The following COA1 variants were observed in gnomAD, a reference collection of about 807,000 sequenced individuals.
COA1 encodes the protein cytochrome c oxidase assembly factor 1 homolog.
COA1 carries 13 observed loss-of-function variants against 16.0 expected under a neutral mutation model. The observed-to-expected ratio is 0.81, with a 90% confidence interval of 0.53 to 1.29. The LOEUF (loss-of-function observed/expected upper bound fraction) is 1.29. Ranked by LOEUF, COA1 falls within the 50% of genes most tolerant of loss-of-function variation. COA1 has a pLI of 0.00. For missense variants in COA1, 179 were observed against 177.0 expected (o/e 1.01, Z -0.06); for synonymous variants, 65 against 65.7 (o/e 0.99, Z 0.05).
At chr7:43,636,423 G>A (rs1316861176), downstream of COA1, among the ~76,000 whole-genome samples, 1 of 152,188 alleles carries the variant, frequency 6.6e-6, no homozygotes, top group Non-Finnish European at 1.5e-5. Flanking sequence ...TGTCTCACCT[G>A]TAAGGCAAGT....
intron 4 of COA1, 151 bp downstream of exon 4, chr7:43,645,100 A>G: frequency 2.5e-6 from 1 of 399,416 alleles, no homozygotes. Flanking sequence ...AAAATCCATA[A>G]TAGAAAAACT....
intron 5 of COA1, 71 bp from the exon 6 acceptor site, chr7:43,639,752 G>T: frequency 8.3e-7 from 1 of 1,208,956 alleles, no homozygotes; most frequent in Non-Finnish European, 1.2e-6. Flanking sequence ...CAAAAAAAGG[G>T]GCGCGGAAAG....
In COA1 at chr7:43,666,059, T is replaced by C. The variant is rs187165658; in HGVS notation, c.-38-17407A>G. 7.3e-4 allele frequency among the ~76,000 whole-genome samples: 111 copies of C among 152,300 alleles called. No individual in the cohort carries two copies. In the Middle Eastern group the frequency reaches 0.01, roughly 14 times the overall value. ...TTCAAATGCTAATCTCTTCTGAAAA[T>C]ACCCTCACAGATACCTCCAGAAATT... On this transcript the variant is annotated intron_variant, in intron 1 of 5. Transcript: ENST00000223336.
intron 2 of COA1, 92 bp from the exon 3 acceptor site, chr7:43,647,726 T>A: frequency 1.1e-6 from 1 of 946,506 alleles, no homozygotes; most frequent in Non-Finnish European, 1.6e-6. Flanking sequence ...AAAGAAGCAT[T>A]AAGGAAGCCA....
At chr7:43,627,402 A>G (rs1032592257) in intron 6 of COA1, among the ~76,000 whole-genome samples, 1 of 152,240 alleles carries the variant, frequency 6.6e-6, no homozygotes, top group Non-Finnish European at 1.5e-5. Context: ...GAGACAGAAC[A>G]TGAATTATAG....
intron 1 of COA1, among the ~76,000 whole-genome samples, chr7:43,671,118 T>C (rs946501726): frequency 2.0e-5 from 3 of 152,124 alleles, no homozygotes; most frequent in African/African-American, 7.2e-5. Context: ...CCTAACACCA[T>C]ACACAAAAAT....
intron 6 of COA1, among the ~76,000 whole-genome samples, chr7:43,612,519 A>G (rs2082966609): frequency 6.6e-6 from 1 of 152,230 alleles, no homozygotes; most frequent in African/African-American, 2.4e-5. Context: ...AAAGCTAAAT[A>G]TATTATGTTT....
intron 6 of COA1, chr7:43,624,451 G>A: frequency 2.1e-6 from 3 of 1,455,268 alleles, no homozygotes; most frequent in South Asian, 2.8e-5. Context: ...AATAAATACA[G>A]TACCTTATGC....
At chr7:43,631,986 A>G (rs1207674023) in intron 6 of COA1, 1 of 152,230 alleles carries the variant, frequency 6.6e-6, no homozygotes, top group Non-Finnish European at 1.5e-5. Flanking sequence ...TGACTGTGGC[A>G]GTTTCTTAAA....
intron 1 of COA1, among the ~76,000 whole-genome samples, chr7:43,703,279 C>T (rs947117922): frequency 2.0e-5 from 3 of 152,078 alleles, no homozygotes; most frequent in African/African-American, 7.2e-5. Context: ...AGCATAGGTA[C>T]CATGTATAAA....
intron 6 of COA1, chr7:43,632,726 G>A (rs1348661143): frequency 1.3e-5 from 2 of 152,054 alleles, no homozygotes; most frequent in African/African-American, 4.8e-5. Flanking sequence ...TTTTGGATTT[G>A]TTTTTTGAGA....
intron 1 of COA1, among the ~76,000 whole-genome samples, chr7:43,690,621 T>C (rs2094234310): frequency 1.3e-5 from 2 of 152,102 alleles, no homozygotes; most frequent in African/African-American, 4.8e-5. Flanking sequence ...ATGTTCTCAC[T>C]CATATGTGGG....
chr7:43,715,181 T>A (rs2095361141), intron 1 of COA1, among the ~76,000 whole-genome samples: 1 of 152,192 alleles, frequency 6.6e-6, no homozygotes, highest in Admixed American at 6.5e-5. Context: ...GAACTTTGTT[T>A]CATAATATTC....
At chr7:43,627,883 T>A (rs2084740178) in intron 6 of COA1, among the ~76,000 whole-genome samples, 1 of 152,230 alleles carries the variant, frequency 6.6e-6, no homozygotes, top group African/African-American at 2.4e-5. Flanking sequence ...GTAGTTGGAA[T>A]CATACAGCAT....
intron 6 of COA1, among the ~76,000 whole-genome samples, chr7:43,616,714 G>A (rs2083379111): frequency 1.3e-5 from 2 of 152,110 alleles, no homozygotes; most frequent in African/African-American, 4.8e-5. Context: ...TGGCTAACAC[G>A]GTGAAACCCC....
chr7:43,624,160 CTG>C (rs1379692090), intron 6 of COA1, among the ~76,000 whole-genome samples: 2 of 152,126 alleles, frequency 1.3e-5, no homozygotes. Context: ...ATTAGCAAAA[CTG>C]TATTATTGCA....
chr7:43,636,730 A>ATGTT (rs2085938010), downstream of COA1, among the ~76,000 whole-genome samples: 1 of 152,264 alleles, frequency 6.6e-6, no homozygotes, highest in South Asian at 2.1e-4. Flanking sequence ...TGAATAGGGA[A>ATGTT]TGTTTGCAGG....
chr7:43,647,694 G>T, intron 2 of COA1, 60 bp from the exon 3 acceptor site: 2 of 1,341,054 alleles, frequency 1.5e-6, no homozygotes, highest in Non-Finnish European at 2.1e-6. Flanking sequence ...AAGGGGATTT[G>T]CCCGGCTTGG....
At chr7:43,721,062 A>G (rs962205624) in intron 1 of COA1, among the ~76,000 whole-genome samples, 5 of 152,238 alleles carry the variant, frequency 3.3e-5, no homozygotes, top group African/African-American at 1.2e-4. Context: ...CTGAAGTCAC[A>G]CTGATAAGCC....
Sources: allele counts gnomAD v4.1 joint callset (sites outside exome capture counted in the v4.1 genomes callset), GRCh38; gene constraint gnomAD v4.1.1; transcripts MANE v1.5; gene names NCBI Gene and HGNC (gene_info 2026-07-23, HGNC 2026-07-21).